RGL1: variants seen among roughly 807,000 people sequenced by gnomAD.
The protein encoded by RGL1 is ral guanine nucleotide dissociation stimulator-like 1.
Under a neutral mutation model 95.2 loss-of-function variants are expected in RGL1, and 24 were observed. The observed-to-expected ratio is 0.25, with a 90% CI of 0.18 to 0.35. RGL1 has a LOEUF of 0.35. Ranked by LOEUF, RGL1 falls within the 10% of genes least tolerant of loss-of-function variation. The pLI is 1.00. For missense variants in RGL1, 715 were observed against 936.3 expected (o/e 0.76, Z 3.08); for synonymous variants, 329 against 344.9 (o/e 0.95, Z 0.51).
chr1:183,832,749 A>G (rs571752275), intron 2 of RGL1, among the ~76,000 whole-genome samples: 2 of 152,276 alleles, frequency 1.3e-5, no homozygotes, highest in East Asian at 3.9e-4. Flanking sequence ...CAGTTTTCTT[A>G]TCTGTAAAAT....
intron 1 of RGL1, among the ~76,000 whole-genome samples, chr1:183,674,454 T>C (rs1652685555): frequency 6.6e-6 from 1 of 152,200 alleles, no homozygotes; most frequent in Non-Finnish European, 1.5e-5. Flanking sequence ...TGTGACTGGA[T>C]TGTGGCTCTT....
At position 183,904,894 on chromosome 1, in the gene RGL1, C is replaced by T. The variant is rs1210011185; in HGVS notation, c.1395C>T (p.Cys465=). The T allele has an allele frequency of 3.1e-6, 5 of 1,613,640 alleles. No individual in the cohort carries two copies. The highest frequency in any genetic ancestry group is 2.7e-5 in the African/African-American group (2 of 74,852). ...IAQIKLLQSA[C]NSYCMTPDQK... ...AGATAAAGCTCTTACAGTCTGCCTG[C>T]AACAGCTATTGCATGACCCCAGACC... Residue 465 remains cysteine (C), a synonymous_variant, in exon 13 of 18, where the codon TGC becomes TGT. Coordinates refer to ENST00000360851, the MANE Select transcript of RGL1 (RefSeq NM_001297671.3).
At chr1:183,774,395 T>C (rs1430741017) in intron 2 of RGL1, among the ~76,000 whole-genome samples, 2 of 152,202 alleles carry the variant, frequency 1.3e-5, no homozygotes, top group Non-Finnish European at 2.9e-5. Flanking sequence ...ACATCTAGTC[T>C]CGTTATAAAA....
At chr1:183,736,648 A>G (rs890109642) in intron 1 of RGL1, among the ~76,000 whole-genome samples, 17 of 152,216 alleles carry the variant, frequency 1.1e-4, no homozygotes, top group African/African-American at 3.6e-4. Flanking sequence ...GCTCATTAGG[A>G]AGAGGAATGA....
chr1:183,875,856 G>A (rs1239217154), intron 4 of RGL1, among the ~76,000 whole-genome samples: 3 of 143,268 alleles, frequency 2.1e-5, no homozygotes, highest in Non-Finnish European at 4.5e-5. Flanking sequence ...TCCAGCCTGG[G>A]CGACAGCTCT....
chr1:183,897,656 C>A, intron 9 of RGL1, 152 bp from the exon 10 acceptor site: 1 of 559,988 alleles, frequency 1.8e-6, no homozygotes, highest in East Asian at 3.0e-5. Context: ...GCATAATATA[C>A]ATCGTGAGAG....
At chr1:183,737,070 T>G (rs1656984976) in intron 1 of RGL1, among the ~76,000 whole-genome samples, 1 of 152,178 alleles carries the variant, frequency 6.6e-6, no homozygotes, top group African/African-American at 2.4e-5. Flanking sequence ...CAAACAAAGT[T>G]CAGCATGGAG....
intron 7 of RGL1, among the ~76,000 whole-genome samples, chr1:183,888,269 C>T (rs1667231061): frequency 6.6e-6 from 1 of 152,096 alleles, no homozygotes; most frequent in African/African-American, 2.4e-5. Flanking sequence ...GAGAGAAAAA[C>T]AAGCATACTG....
chr1:183,912,076 T>C lies in RGL1; in HGVS notation c.1563-6T>C. 2 of 1,610,556 alleles carry C rather than the reference T, an allele frequency of 1.2e-6. No homozygotes were observed. Among genetic ancestry groups the C allele is most frequent in the Non-Finnish European group, 1.7e-6 (2 of 1,178,004 alleles). ...CCCAAATGCTTGGCATTCTGTTTTT[T>C]TCCAGACTGTTTCTAGGGTCTGACA... On this transcript the variant is annotated splice_region_variant and splice_polypyrimidine_tract_variant and intron_variant, in intron 14 of 17. Transcript: ENST00000360851.
chr1:183,649,501 T>A (rs1156773515), intron 1 of RGL1, among the ~76,000 whole-genome samples: 2 of 152,184 alleles, frequency 1.3e-5, no homozygotes, highest in East Asian at 3.9e-4. Context: ...TTTTTGGGTT[T>A]TTTTTGAGAC....
At chr1:183,785,992 C>T (rs1278247336) in intron 2 of RGL1, among the ~76,000 whole-genome samples, 1 of 151,714 alleles carries the variant, frequency 6.6e-6, no homozygotes, top group Non-Finnish European at 1.5e-5. Flanking sequence ...GCAGGAGGAT[C>T]GCTTGAGCCC....
At chr1:183,807,171 C>T (rs78688690) in intron 2 of RGL1, among the ~76,000 whole-genome samples, 2,436 of 152,128 alleles carry the variant, frequency 0.016, 70 homozygotes, top group African/African-American at 0.056. Context: ...CCAAATAAAG[C>T]GAATATGAGA....
intron 7 of RGL1, among the ~76,000 whole-genome samples, chr1:183,886,314 A>C (rs1042366658): frequency 6.6e-6 from 1 of 152,182 alleles, no homozygotes; most frequent in African/African-American, 2.4e-5. Context: ...AATCGAGCTT[A>C]TTGCTCAGCA....
chr1:183,791,610 A>T (rs754103286), intron 2 of RGL1, among the ~76,000 whole-genome samples: 1 of 152,234 alleles, frequency 6.6e-6, no homozygotes, highest in Non-Finnish European at 1.5e-5. Context: ...GAAGAGTGTC[A>T]TAGAACAGAA....
intron 14 of RGL1, among the ~76,000 whole-genome samples, chr1:183,907,895 G>A (rs985209445): frequency 4.6e-5 from 7 of 152,076 alleles, no homozygotes; most frequent in African/African-American, 1.7e-4. Context: ...TACTTGGGAG[G>A]CTGAGGTGGG....
intron 2 of RGL1, among the ~76,000 whole-genome samples, chr1:183,775,973 A>G (rs1394776363): frequency 6.6e-6 from 1 of 152,202 alleles, no homozygotes; most frequent in Non-Finnish European, 1.5e-5. Flanking sequence ...TAAAAAACAA[A>G]GCATTAAATA....
At chr1:183,731,480 G>A (rs1656627139) in intron 1 of RGL1, among the ~76,000 whole-genome samples, 1 of 152,164 alleles carries the variant, frequency 6.6e-6, no homozygotes, top group Admixed American at 6.5e-5. Context: ...GGTAGAAAAG[G>A]TAGCACAGAT....
In RGL1 at chr1:183,825,676, A is replaced by G. The variant is rs1408652977; in HGVS notation, c.138+19191A>G. On this transcript the variant is annotated intron_variant, in intron 2 of 17. Transcript: ENST00000360851. ...TGCATATCATATCAATTCTGAATGC[A>G]TAACAAAGTTGGTTGTTTATATAAA... Among the ~76,000 whole-genome samples the G allele has an allele frequency of 3.3e-5, 5 of 152,236 alleles. No homozygotes were observed. The East Asian group carries it at 9.6e-4, about 29-fold the overall frequency.
At chr1:183,738,194 C>G (rs556632791) in intron 1 of RGL1, among the ~76,000 whole-genome samples, 145 of 152,126 alleles carry the variant, frequency 9.5e-4, no homozygotes, top group African/African-American at 3.4e-3. Flanking sequence ...CCGAGGCAGG[C>G]AGATCACCTG....
Sources: allele counts gnomAD v4.1 joint callset (sites outside exome capture counted in the v4.1 genomes callset), GRCh38; gene constraint gnomAD v4.1.1; transcripts MANE v1.5; gene names NCBI Gene and HGNC (gene_info 2026-07-23, HGNC 2026-07-21).